Variants in GANC observed in about 807,000 individuals in gnomAD.
GANC encodes the protein glucosidase alpha, neutral C, also known as neutral alpha-glucosidase C.
GANC carries 117 observed loss-of-function variants against 124.2 expected under a neutral mutation model. The observed-to-expected ratio is 0.94, with a 90% CI of 0.81 to 1.10. The LOEUF is 1.10. GANC is among the 50% of genes least tolerant of loss of function. The probability of loss-of-function intolerance (pLI) is 0.00; values close to 1 mark genes in which losing one functional copy is unlikely to be tolerated. For synonymous variants in GANC, 377 were observed against 376.8 expected (o/e 1.00, Z -0.01); for missense variants, 1,140 against 1,095.0 (o/e 1.04, Z -0.58).
At chr15:42,337,450 T>C (rs2052291323) in intron 15 of GANC, among the ~76,000 whole-genome samples, 1 of 152,110 alleles carries the variant, frequency 6.6e-6, no homozygotes. Flanking sequence ...AGCAAACTAA[T>C]GCAGAAACAG....
rs763222453 is a variant in GANC at position 42,297,591 on chromosome 15, C to G, written c.513-20C>G. The G allele has an allele frequency of 1.9e-6, 3 of 1,604,852 alleles. No homozygotes were observed. The highest frequency in any genetic ancestry group is 2.6e-6 in the Non-Finnish European group (3 of 1,174,340). ...TCAGTCTTGCCATTGAGTGAAACAA[C>G]TTTATTTACGTTAAAACAGAGCTGC... On this transcript the variant is annotated intron_variant, in intron 5 of 23. Transcript: ENST00000318010.
intron 6 of GANC, among the ~76,000 whole-genome samples, chr15:42,301,945 C>A (rs550428737): frequency 2.6e-5 from 4 of 152,338 alleles, no homozygotes; most frequent in South Asian, 4.1e-4. Flanking sequence ...CTTAAACATT[C>A]GTGCCTGCCA....
chr15:42,339,777 A>C lies in GANC; in HGVS notation c.1952A>C (p.Lys651Thr). 1 of 1,614,166 alleles carries C rather than the reference A, an allele frequency of 6.2e-7. No homozygotes were observed. Among genetic ancestry groups the C allele is most frequent in the South Asian group, 1.1e-5 (1 of 91,086 alleles). Residue 651 changes from lysine to threonine, a missense_variant, in exon 17 of 24, where the codon AAG (lysine) becomes ACG (threonine). By Grantham distance (78) the Lys-to-Thr change is moderately conservative. Coordinates refer to ENST00000318010, the MANE Select transcript of GANC (RefSeq NM_198141.3). ...FFRGHATMNT[K>T]RREPWLFGEE... Reference sequence around the variant, plus strand: ...CGTGGCCATGCCACCATGAACACCAAGCGACGAGAGCCCTGGCTCTTTGGG... The same window carrying C: ...CGTGGCCATGCCACCATGAACACCACGCGACGAGAGCCCTGGCTCTTTGGG...
intron 12 of GANC, among the ~76,000 whole-genome samples, chr15:42,326,910 C>G (rs1257902930): frequency 6.6e-6 from 1 of 152,142 alleles, no homozygotes; most frequent in Non-Finnish European, 1.5e-5. Context: ...AGAAACTCCC[C>G]AAGGACAAAA....
chr15:42,350,739 A>T (rs143204787), intron 22 of GANC, among the ~76,000 whole-genome samples: 1,670 of 151,262 alleles, frequency 0.011, 43 homozygotes, highest in African/African-American at 0.038. Flanking sequence ...TTTTTTTAGT[A>T]GAGACGGGGT....
chr15:42,319,336 A>T (rs1431283823), intron 10 of GANC, among the ~76,000 whole-genome samples: 1 of 46,310 alleles, frequency 2.2e-5, no homozygotes, highest in Non-Finnish European at 6.7e-5. Flanking sequence ...TTCAAGTCTG[A>T]TGAGCCTCTT....
chr15:42,309,639 G>A (rs903256925), intron 8 of GANC, among the ~76,000 whole-genome samples: 2 of 151,676 alleles, frequency 1.3e-5, no homozygotes, highest in Non-Finnish European at 2.9e-5. Flanking sequence ...TCTTTTAACC[G>A]CAGAGAAGTA....
intron 3 of GANC, among the ~76,000 whole-genome samples, chr15:42,285,749 T>C (rs1055121838): frequency 3.3e-5 from 5 of 152,080 alleles, no homozygotes; most frequent in Non-Finnish European, 7.4e-5. Context: ...GAGCCAAGAT[T>C]GCGCCACTGC....
At chr15:42,321,228 G>C (rs968612242) in intron 10 of GANC, among the ~76,000 whole-genome samples, 1 of 152,022 alleles carries the variant, frequency 6.6e-6, no homozygotes, top group African/African-American at 2.4e-5. Context: ...ACTTTTGATG[G>C]CTTCTCATAA....
chr15:42,292,831 C>T lies in GANC; in HGVS notation c.426C>T (p.Asp142=), dbSNP rs112976629. ...CHITANPFKV[D]LVSEEEVVIS... ...TCACAGCAAACCCATTCAAGGTAGA[C>T]TTGGTGTCTGAAGAAGAGGTTGTGA... The change falls in exon 5 of 24, where the codon GAC becomes GAT. Residue 142 remains aspartate, a synonymous_variant. Coordinates refer to ENST00000318010, the MANE Select transcript of GANC (RefSeq NM_198141.3). 49,624 of 1,613,980 alleles carry T rather than the reference C, an allele frequency of 0.031. 870 individuals carry two copies. Among genetic ancestry groups the T allele is most frequent in the Non-Finnish European group, 0.035 (41,606 of 1,179,912 alleles).
chr15:42,304,406 C>A (rs554478246), intron 6 of GANC, among the ~76,000 whole-genome samples: 4 of 152,048 alleles, frequency 2.6e-5, no homozygotes, highest in African/African-American at 9.7e-5. Flanking sequence ...ATACAACTTA[C>A]AAGGGATGTA....
rs576659559 is a variant in GANC, at chr15:42,278,168, A to G, written c.93-314A>G. 341 of 217,130 alleles carry G rather than the reference A, an allele frequency of 1.6e-3. 1 individual carries two copies. The highest frequency in any genetic ancestry group is 7.5e-3 in the African/African-American group (328 of 43,680). 13.5% of individuals were successfully genotyped at this position (217,130 alleles called of 1,614,324 possible). A position where few individuals can be genotyped will look rare whatever the true frequency, so the allele number is the denominator to read the frequency against. On this transcript the variant is annotated intron_variant, in intron 2 of 23. Coordinates refer to ENST00000318010, the MANE Select transcript of GANC (RefSeq NM_198141.3). ...TACTATTAAAGTCCATTTTATGGAA[A>G]GAGGGAGGGAAATTAACAAGTTCAC...
Position 42,348,125 on chromosome 15 carries a change from G to A in GANC, c.2327G>A (p.Gly776Glu). 1 of 1,611,084 alleles carries A rather than the reference G, an allele frequency of 6.2e-7. No homozygotes were observed. The highest frequency in any genetic ancestry group is 8.5e-7 in the Non-Finnish European group (1 of 1,178,646). ...LDTIPVFQRGGSVIPIKTTVG... is the reference protein window; with the variant it reads ...LDTIPVFQRGESVIPIKTTVG... ...CAGATTCCAGTGTTTCAGCGAGGTG[G>A]AAGTGTGATACCAATAAAGACAACT... Residue 776 changes from glycine to glutamate, a missense_variant, in exon 21 of 24, where the codon GGA becomes GAA. Physicochemically the swap from Gly to Glu is moderately conservative, Grantham distance 98. Coordinates refer to ENST00000318010, the MANE Select transcript of GANC (RefSeq NM_198141.3).
At position 42,274,403 on chromosome 15, in the gene GANC, C is replaced by A; in HGVS notation, c.-79C>A. ...AGTACTGGTTGTAATTTTAGAAAGA[C>A]ACCCAATCGGCTTTTTTAAAAGATC... On this transcript the variant is annotated 5_prime_UTR_variant, in exon 1 of 24. Transcript: ENST00000318010. 1 of 1,460,322 alleles carries A rather than the reference C, an allele frequency of 6.8e-7. No homozygotes were observed. Among genetic ancestry groups the A allele is most frequent in the Non-Finnish European group, 9.4e-7 (1 of 1,061,772 alleles). The allele number at this position is 1,460,322 out of a possible 1,614,324, so 90.5% of individuals were successfully genotyped here. A position where few individuals can be genotyped will look rare whatever the true frequency, so the allele number is the denominator to read the frequency against.
chr15:42,334,808 GAAGAA>G (rs2052271864), intron 15 of GANC, among the ~76,000 whole-genome samples: 1 of 151,444 alleles, frequency 6.6e-6, no homozygotes, highest in Non-Finnish European at 1.5e-5. Context: ...GACTAATAAA[GAAGAA>G]AAGAGAGAAA....
Position 42,352,380 on chromosome 15 carries a change from G to T in GANC, c.*241G>T. ...CATCTCCTTTTCTCCCTGATACATA[G>T]CCCTGAGACATTTATAGCGTTCAGG... On this transcript the variant is annotated 3_prime_UTR_variant, in exon 24 of 24. Transcript: ENST00000318010. The T allele has an allele frequency of 7.7e-7, 1 of 1,291,884 alleles. No individual in the cohort carries two copies. Among genetic ancestry groups the T allele is most frequent in the Non-Finnish European group, 9.9e-7 (1 of 1,011,922 alleles). 80.0% of individuals were successfully genotyped at this position (1,291,884 alleles called of 1,614,324 possible). A position where few individuals can be genotyped will look rare whatever the true frequency, so the allele number is the denominator to read the frequency against.
chr15:42,294,827 G>T (rs1466678609), intron 5 of GANC, among the ~76,000 whole-genome samples: 1 of 151,314 alleles, frequency 6.6e-6, no homozygotes, highest in Non-Finnish European at 1.5e-5. Context: ...TCTATTGAGG[G>T]ATTTAAAGTT....
At position 42,279,798 on chromosome 15, in the gene GANC, A is replaced by G. The variant is rs537612424; in HGVS notation, c.201+1208A>G. Among the ~76,000 whole-genome samples the G allele has an allele frequency of 4.6e-5, 7 of 152,320 alleles. No individual in the cohort carries two copies. In the South Asian group the frequency reaches 1.4e-3, roughly 32 times the overall value. ...ATAATAACGGCACCAACTCACTAAC[A>G]AGTCCCAGTTCTGGGAAGCTGACGT... is the stretch of plus-strand genomic sequence containing the variant. On this transcript the variant is annotated intron_variant, in intron 3 of 23. Transcript: ENST00000318010.
At position 42,274,429 on chromosome 15, in the gene GANC, G is replaced by A. The variant is rs534646655; in HGVS notation, c.-53G>A. On this transcript the variant is annotated 5_prime_UTR_variant, in exon 1 of 24. Coordinates refer to ENST00000318010, the MANE Select transcript of GANC (RefSeq NM_198141.3). ...ACCCAATCGGCTTTTTTAAAAGATC[G>A]CCCAGGGCCCTTGTCCTGAGAGCTG... 4 of 1,589,152 alleles carry A rather than the reference G, an allele frequency of 2.5e-6. No homozygotes were observed. In the South Asian group the frequency reaches 3.4e-5, roughly 14 times the overall value.
Sources: allele counts gnomAD v4.1 joint callset (sites outside exome capture counted in the v4.1 genomes callset), GRCh38; gene constraint gnomAD v4.1.1; transcripts MANE v1.5; gene names NCBI Gene and HGNC (gene_info 2026-07-23, HGNC 2026-07-21).